AJAP1: variants seen among roughly 807,000 people sequenced by gnomAD.
The protein encoded by AJAP1 is adherens junctions associated protein 1.
AJAP1 carries 5 observed loss-of-function variants against 35.0 expected under a neutral mutation model. The observed-to-expected ratio is 0.14, with a 90% confidence interval of 0.07 to 0.30. AJAP1 has a LOEUF of 0.30. Ranked by LOEUF, AJAP1 falls within the 10% of genes least tolerant of loss-of-function variation. The pLI, the probability that AJAP1 is intolerant of heterozygous loss-of-function variation, is 1.00. For synonymous variants in AJAP1, 284 were observed against 249.3 expected, an observed-to-expected ratio of 1.14 and a Z score of -1.31; for missense variants, 586 against 571.0, an observed-to-expected ratio of 1.03 and a Z score of -0.27.
chr1:4,771,333 T>TG (rs1326126579), intron 3 of AJAP1, among the ~76,000 whole-genome samples: 2 of 152,138 alleles, frequency 1.3e-5, no homozygotes, highest in African/African-American at 2.4e-5. Context: ...TTCCTTTCAT[T>TG]GGGAAAACCA....
intron 2 of AJAP1, among the ~76,000 whole-genome samples, chr1:4,713,604 C>T (rs992352125): frequency 6.6e-5 from 10 of 152,348 alleles, no homozygotes; most frequent in Non-Finnish European, 8.8e-5. Context: ...GCGGGGAGAG[C>T]GCAGAGCCCT....
Position 4,792,107 on chromosome 1 carries a change from G to A in AJAP1, c.*9622G>A, listed in dbSNP as rs1003176860. The A allele has an allele frequency of 6.6e-6, 1 of 151,844 alleles. No homozygotes were observed. Among genetic ancestry groups the A allele is most frequent in the African/African-American group, 2.4e-5 (1 of 41,290 alleles). 9.4% of individuals were successfully genotyped at this position (151,844 alleles called of 1,614,324 possible). A position where few individuals can be genotyped will look rare whatever the true frequency, so the allele number is the denominator to read the frequency against. On this transcript the variant is annotated 3_prime_UTR_variant, in exon 6 of 6. Coordinates refer to ENST00000378191, the MANE Select transcript of AJAP1 (RefSeq NM_018836.4). ...TTTCTGATACAATAAACTGTTAACTGTTTATTTATACTTTTACAAGGAGCA... is the reference window on the plus strand; with the variant it reads ...TTTCTGATACAATAAACTGTTAACTATTTATTTATACTTTTACAAGGAGCA...
At chr1:4,722,437 G>A (rs1004197350) in intron 2 of AJAP1, among the ~76,000 whole-genome samples, 4 of 152,218 alleles carry the variant, frequency 2.6e-5, no homozygotes, top group Admixed American at 6.5e-5. Context: ...GAAAGCAGCC[G>A]TTCACCCAGC....
intron 5 of AJAP1, among the ~76,000 whole-genome samples, chr1:4,776,889 C>A (rs916072854): frequency 6.6e-6 from 1 of 152,208 alleles, no homozygotes; most frequent in Non-Finnish European, 1.5e-5. Flanking sequence ...TTCAGAAGAG[C>A]CCGTGAGGCT....
chr1:4,742,179 G>A (rs1641082597), intron 2 of AJAP1, among the ~76,000 whole-genome samples: 1 of 152,168 alleles, frequency 6.6e-6, no homozygotes, highest in South Asian at 2.1e-4. Flanking sequence ...AAGCCAGGGA[G>A]TGACTTTACC....
chr1:4,718,449 T>G (rs773027494), intron 2 of AJAP1, among the ~76,000 whole-genome samples: 3 of 152,016 alleles, frequency 2.0e-5, no homozygotes, highest in Non-Finnish European at 4.4e-5. Flanking sequence ...CTTTAATCCT[T>G]AAGAACTGAG....
Position 4,786,745 on chromosome 1 carries a change from C to T in AJAP1, c.*4260C>T, listed in dbSNP as rs1642166407. ...TGACCCTGTATCTTGAAAGATAAGA[C>T]CAGGAACCGGGAGTGAGGCTGGGAC... On this transcript the variant is annotated 3_prime_UTR_variant, in exon 6 of 6. Transcript: ENST00000378191. 6.6e-6 allele frequency: 1 copy of T among 152,188 alleles called. No homozygotes were observed. The highest frequency in any genetic ancestry group is 1.5e-5 in the Non-Finnish European group (1 of 68,062). 9.4% of individuals were successfully genotyped at this position (152,188 alleles called of 1,614,324 possible).
In AJAP1 at chr1:4,679,852, T is replaced by TAG. The variant is rs1553154880; in HGVS notation, c.29+24406_29+24407dup. ...GTGTGTGTGTGTGTGTGTGTGTGTGTAGAGAGAGATACTTACAAGGAGTTG... is the reference window on the plus strand; with the variant it reads ...GTGTGTGTGTGTGTGTGTGTGTGTGTAGAGAGAGAGATACTTACAAGGAGTTG... On this transcript the variant is annotated intron_variant, in intron 1 of 5. Coordinates refer to ENST00000378191, the MANE Select transcript of AJAP1 (RefSeq NM_018836.4). Among the ~76,000 whole-genome samples the TAG allele has an allele frequency of 3.3e-3, 467 of 141,072 alleles. 13 individuals carry two copies. The South Asian group carries it at 0.047, about 14-fold the overall frequency. The allele number at this position is 141,072 out of a possible 152,430, so 92.5% of individuals were successfully genotyped here. A position where few individuals can be genotyped will look rare whatever the true frequency, so the allele number is the denominator to read the frequency against.
rs144617744 is a variant in AJAP1, at chr1:4,760,296, C to T, written c.830-9557C>T. ...ATGTGTGAGTGTGTGTGTGCATGTG[C>T]GGGCATGAGTGTGTATATGAGTGTG... On this transcript the variant is annotated intron_variant, in intron 2 of 5. Coordinates refer to ENST00000378191, the MANE Select transcript of AJAP1 (RefSeq NM_018836.4). Among the ~76,000 whole-genome samples the T allele has an allele frequency of 8.8e-4, 132 of 150,186 alleles. 1 individual carries two copies. The Middle Eastern group carries it at 0.014, about 16-fold the overall frequency.
chr1:4,768,631 C>T (rs573342499), intron 2 of AJAP1, among the ~76,000 whole-genome samples: 9 of 152,330 alleles, frequency 5.9e-5, no homozygotes, highest in African/African-American at 1.7e-4. Context: ...CTCTGCAAAG[C>T]AGACACCAAG....
At chr1:4,688,060 C>T (rs1032031384) in intron 1 of AJAP1, among the ~76,000 whole-genome samples, 3 of 152,124 alleles carry the variant, frequency 2.0e-5, no homozygotes, top group East Asian at 1.9e-4. Context: ...GTGTTTCTGC[C>T]GAGGCTGGAG....
At chr1:4,671,812 T>G (rs1639254731) in intron 1 of AJAP1, among the ~76,000 whole-genome samples, 1 of 152,204 alleles carries the variant, frequency 6.6e-6, no homozygotes, top group Non-Finnish European at 1.5e-5. Flanking sequence ...AAAATGTAAT[T>G]AATGGAAACA....
Position 4,734,863 on chromosome 1 carries a change from C to T in AJAP1, c.829+22164C>T, listed in dbSNP as rs954855776. Among the ~76,000 whole-genome samples, 1 of 152,182 alleles carries T rather than the reference C, an allele frequency of 6.6e-6. No homozygotes were observed. The highest frequency in any genetic ancestry group is 1.5e-5 in the Non-Finnish European group (1 of 68,036). ...CTGCTTCCGAGGCCCGAAACAGTGG[C>T]GTTTCCTCTTCCCCGAGCACTCAGC... is the stretch of plus-strand genomic sequence containing the variant. On this transcript the variant is annotated intron_variant, in intron 2 of 5. Coordinates refer to ENST00000378191, the MANE Select transcript of AJAP1 (RefSeq NM_018836.4). This position sits in a 1 kb window ranked among gnomAD's most constrained non-coding sequence, Gnocchi z 4.3.
chr1:4,694,151 C>A (rs1261279864), intron 1 of AJAP1, among the ~76,000 whole-genome samples: 1 of 150,750 alleles, frequency 6.6e-6, no homozygotes, highest in Non-Finnish European at 1.5e-5. Context: ...TAGTCCATTA[C>A]GACCAGCTCA....
At chr1:4,761,434 G>T (rs928058116) in intron 2 of AJAP1, among the ~76,000 whole-genome samples, 1 of 152,192 alleles carries the variant, frequency 6.6e-6, no homozygotes, top group Admixed American at 6.5e-5. Flanking sequence ...CCAGTCCTAG[G>T]GTCAGGGGAC....
rs544174805 is a variant in AJAP1, at chr1:4,711,928, C to T, written c.58C>T (p.Pro20Ser). ...CATGTCCATCCGCTGGCCGGGCCGC[C>T]CCCTCGGAAGCCATGCCTGGATACT... ...SSMSIRWPGR[P>S]LGSHAWILIA... The change falls in exon 2 of 6, where the codon CCC becomes TCC. Residue 20 changes from proline to serine, a missense_variant. Physicochemically the swap from Pro to Ser is moderately conservative, Grantham distance 74 (BLOSUM62 -1). Transcript: ENST00000378191. 2.0e-6 allele frequency: 3 copies of T among 1,528,352 alleles called. No individual in the cohort carries two copies. The highest frequency in any genetic ancestry group is 2.6e-6 in the Non-Finnish European group (3 of 1,144,010). The allele number at this position is 1,528,352 out of a possible 1,614,324, so 94.7% of individuals were successfully genotyped here.
intron 1 of AJAP1, among the ~76,000 whole-genome samples, chr1:4,681,283 A>G (rs1369844017): frequency 6.6e-6 from 1 of 152,220 alleles, no homozygotes; most frequent in Non-Finnish European, 1.5e-5. Context: ...AGTGTGCAAA[A>G]TTGCCACAGA....
chr1:4,713,064 C>T (rs965795738), intron 2 of AJAP1, among the ~76,000 whole-genome samples: 4 of 152,072 alleles, frequency 2.6e-5, no homozygotes, highest in African/African-American at 7.2e-5. Context: ...TCTCTGGGGC[C>T]GGCCCTTGAG....
intron 1 of AJAP1, among the ~76,000 whole-genome samples, chr1:4,671,573 C>A (rs12090863): frequency 6.6e-6 from 1 of 151,966 alleles, no homozygotes; most frequent in Admixed American, 6.6e-5. Context: ...AATGCACCAC[C>A]GGGAACAAAT....
Sources: allele counts gnomAD v4.1 joint callset (sites outside exome capture counted in the v4.1 genomes callset), GRCh38; gene constraint gnomAD v4.1.1; non-coding constraint Gnocchi (gnomAD v3.1); transcripts MANE v1.5; gene names NCBI Gene and HGNC (gene_info 2026-07-23, HGNC 2026-07-21).